The following FHOD3 variants were observed in gnomAD, a reference collection of about 807,000 sequenced individuals.
FHOD3 encodes FH1/FH2 domain-containing protein 3.
In FHOD3, 90 loss-of-function variants were observed where a neutral mutation model predicts 173.0. The ratio of observed to expected loss-of-function variants is 0.52; its 90% CI spans 0.44 to 0.62. The LOEUF (loss-of-function observed/expected upper bound fraction) is 0.62. Ranked by LOEUF, FHOD3 falls within the 20% of genes least tolerant of loss-of-function variation. FHOD3 has a pLI of 0.00. For synonymous variants in FHOD3, 828 were observed against 823.0 expected, an observed-to-expected ratio of 1.01 and a Z score of -0.10; for missense variants, 1,945 against 2,034.7, an observed-to-expected ratio of 0.96 and a Z score of 0.85.
At chr18:36,720,788 T>TCCTCTTCCTCCTCCTCTTCCTCCC (rs1406642467) in intron 19 of FHOD3, among the ~76,000 whole-genome samples, 4 of 149,836 alleles carry the variant, frequency 2.7e-5, no homozygotes, top group African/African-American at 9.8e-5. Context: ...CTCTTCCTCC[T>TCCTCTTCCTCCTCCTCTTCCTCCC]CCTCTTCCTC....
At chr18:36,651,526 G>C (rs1201329968) in intron 11 of FHOD3, among the ~76,000 whole-genome samples, 2 of 152,176 alleles carry the variant, frequency 1.3e-5, no homozygotes, top group African/African-American at 4.8e-5. Flanking sequence ...TCCAAGGCAG[G>C]TGGATCACTT....
chr18:36,382,244 C>G (rs981320106), intron 3 of FHOD3, among the ~76,000 whole-genome samples: 3 of 152,092 alleles, frequency 2.0e-5, no homozygotes, highest in Non-Finnish European at 4.4e-5. Context: ...CTTTGATGAG[C>G]GAATGAAGAA....
chr18:36,311,993 C>T (rs2092269022), intron 1 of FHOD3, among the ~76,000 whole-genome samples: 2 of 152,196 alleles, frequency 1.3e-5, no homozygotes, highest in African/African-American at 4.8e-5. Context: ...GTCCTTCTTC[C>T]ACCCTTCAAC....
intron 15 of FHOD3, among the ~76,000 whole-genome samples, chr18:36,682,516 T>G (rs1386498179): frequency 6.6e-6 from 1 of 152,188 alleles, no homozygotes; most frequent in Non-Finnish European, 1.5e-5. Flanking sequence ...TTATTCCCCA[T>G]TATATCTACA....
At chr18:36,609,360 C>CAAAAA (rs34338484) in intron 8 of FHOD3, among the ~76,000 whole-genome samples, 1 of 144,810 alleles carries the variant, frequency 6.9e-6, no homozygotes. Context: ...GAGAATCAGC[C>CAAAAA]AAAAAAAAAA....
chr18:36,662,317 A>G (rs907913388), intron 14 of FHOD3, among the ~76,000 whole-genome samples: 2 of 152,164 alleles, frequency 1.3e-5, no homozygotes, highest in African/African-American at 2.4e-5. Flanking sequence ...TAGAGAGGCC[A>G]CCTAGAGTAA....
intron 3 of FHOD3, among the ~76,000 whole-genome samples, chr18:36,483,845 C>T (rs531061505): frequency 6.6e-6 from 1 of 152,198 alleles, no homozygotes; most frequent in African/African-American, 2.4e-5. Context: ...ATGTAATAGC[C>T]ACTCCTGGCA....
At chr18:36,723,350 T>G (rs1215315671) in intron 19 of FHOD3, among the ~76,000 whole-genome samples, 1 of 152,178 alleles carries the variant, frequency 6.6e-6, no homozygotes, top group Non-Finnish European at 1.5e-5. Context: ...TTTTTTGTTT[T>G]TGTTTTTCAT....
intron 12 of FHOD3, 129 bp from the exon 13 acceptor site, chr18:36,653,213 A>T (rs913125305): frequency 1.2e-5 from 9 of 754,146 alleles, no homozygotes; most frequent in Non-Finnish European, 1.9e-5. Context: ...CATGTGTATA[A>T]TGTGTCCAAA....
chr18:36,420,072 T>G (rs1337754750), intron 3 of FHOD3, among the ~76,000 whole-genome samples: 1 of 152,236 alleles, frequency 6.6e-6, no homozygotes, highest in Non-Finnish European at 1.5e-5. Context: ...CTCAGTGTTT[T>G]ATGAAGCTGA....
At chr18:36,337,166 T>A (rs1248464577) in intron 1 of FHOD3, among the ~76,000 whole-genome samples, 1 of 136,674 alleles carries the variant, frequency 7.3e-6, no homozygotes, top group East Asian at 2.0e-4. Flanking sequence ...AGTGAGACTC[T>A]GTCTCAAAAA....
intron 1 of FHOD3, among the ~76,000 whole-genome samples, chr18:36,298,784 T>C (rs1467958309): frequency 6.6e-6 from 1 of 151,960 alleles, no homozygotes; most frequent in Non-Finnish European, 1.5e-5. Context: ...TTTGTTATTT[T>C]TATTTAAATA....
Position 36,744,204 on chromosome 18 carries a change from G to T in FHOD3, c.4041+11G>T. The T allele has an allele frequency of 6.2e-7, 1 of 1,605,156 alleles. No individual in the cohort carries two copies. Among genetic ancestry groups the T allele is most frequent in the East Asian group, 2.2e-5 (1 of 44,686 alleles). On this transcript the variant is annotated intron_variant, in intron 23 of 28. Coordinates refer to ENST00000590592, the MANE Select transcript of FHOD3 (RefSeq NM_001281740.3). ...ACCAGGTCAGCCAAGGTATGTCTGT[G>T]GACGCTGAGGAGTGGGCCTGGTCTC...
intron 18 of FHOD3, 49 bp from the exon 19 acceptor site, chr18:36,717,783 G>A (rs1046565857): frequency 6.6e-7 from 1 of 1,516,112 alleles, no homozygotes; most frequent in Non-Finnish European, 8.8e-7. Context: ...TCTCATGGAA[G>A]TGAGGCCCCC....
intron 18 of FHOD3, chr18:36,711,315 C>A (rs1328625273): frequency 6.6e-6 from 1 of 152,190 alleles, no homozygotes; most frequent in African/African-American, 2.4e-5. Flanking sequence ...AAATTATTCT[C>A]AAACGTATTT....
chr18:36,694,561 C>T (rs1193684824), intron 17 of FHOD3, among the ~76,000 whole-genome samples: 3 of 152,162 alleles, frequency 2.0e-5, no homozygotes, highest in East Asian at 3.8e-4. Flanking sequence ...CTATAACAGC[C>T]GTGTGCTTTC....
intron 24 of FHOD3, among the ~76,000 whole-genome samples, chr18:36,749,404 C>A (rs1353448487): frequency 6.6e-6 from 1 of 152,144 alleles, no homozygotes; most frequent in African/African-American, 2.4e-5. Flanking sequence ...CATTTAGCTC[C>A]CATTTATAAA....
chr18:36,412,662 A>G (rs146841815), intron 3 of FHOD3, among the ~76,000 whole-genome samples: 33 of 152,380 alleles, frequency 2.2e-4, no homozygotes, highest in Non-Finnish European at 1.5e-4. Context: ...AAGCCATTTT[A>G]TAAAAGTCAT....
intron 10 of FHOD3, among the ~76,000 whole-genome samples, chr18:36,640,115 G>A (rs758419964): frequency 9.2e-5 from 14 of 152,238 alleles, no homozygotes; most frequent in Middle Eastern, 3.4e-3. Flanking sequence ...CCAGCTTCTT[G>A]GGTATATTAG....
Sources: allele counts gnomAD v4.1 joint callset (sites outside exome capture counted in the v4.1 genomes callset), GRCh38; gene constraint gnomAD v4.1.1; transcripts MANE v1.5; gene names NCBI Gene and HGNC (gene_info 2026-07-23, HGNC 2026-07-21).